The following KATNAL1 variants were observed in gnomAD, a reference collection of about 807,000 sequenced individuals.
KATNAL1 encodes the protein katanin p60 ATPase-containing subunit A-like 1.
KATNAL1 carries 32 observed loss-of-function variants against 55.2 expected under a neutral mutation model. That is an observed-to-expected ratio of 0.58 (90% confidence interval 0.44 to 0.78). The LOEUF (loss-of-function observed/expected upper bound fraction) is 0.78. Ranked by LOEUF, KATNAL1 falls within the 30% of genes least tolerant of loss-of-function variation. The pLI, the probability that KATNAL1 is intolerant of heterozygous loss-of-function variation, is 0.00. For synonymous variants in KATNAL1, 193 were observed against 193.6 expected, an observed-to-expected ratio of 1.00 and a Z score of 0.02; for missense variants, 466 against 600.9, an observed-to-expected ratio of 0.78 and a Z score of 2.35.
chr13:30,296,925 C>T (rs1323685419), intron 1 of KATNAL1, among the ~76,000 whole-genome samples: 1 of 151,890 alleles, frequency 6.6e-6, no homozygotes, highest in Non-Finnish European at 1.5e-5. Flanking sequence ...TGAATAGTGA[C>T]GCCCACTCCC....
At position 30,205,750 on chromosome 13, in the gene KATNAL1, C is replaced by CTGTGTGTGTGTG. The variant is rs143277319; in HGVS notation, c.*2778_*2789dup. ...AACACACTGTCTTCTGCAATAAAGA[C>CTGTGTGTGTGTG]TGTGTGTGTGTGTGTGTGTGTGTGT... is the stretch of plus-strand genomic sequence containing the variant. On this transcript the variant is annotated 3_prime_UTR_variant, in exon 11 of 11. Coordinates refer to ENST00000380615, the MANE Select transcript of KATNAL1 (RefSeq NM_032116.5). 5.8e-5 allele frequency: 8 copies of CTGTGTGTGTGTG among 137,402 alleles called. No individual in the cohort carries two copies. Among genetic ancestry groups the CTGTGTGTGTGTG allele is most frequent in the African/African-American group, 2.0e-4 (7 of 35,838 alleles). 8.5% of individuals were successfully genotyped at this position (137,402 alleles called of 1,614,324 possible). A position where few individuals can be genotyped will look rare whatever the true frequency, so the allele number is the denominator to read the frequency against.
At chr13:30,282,203 T>C (rs923259007) in intron 2 of KATNAL1, among the ~76,000 whole-genome samples, 2 of 152,190 alleles carry the variant, frequency 1.3e-5, no homozygotes, top group African/African-American at 4.8e-5. Context: ...AATCAAATTA[T>C]ATAGTCAAAA....
intron 6 of KATNAL1, among the ~76,000 whole-genome samples, chr13:30,238,455 T>C (rs1876912209): frequency 6.6e-6 from 1 of 152,176 alleles, no homozygotes; most frequent in African/African-American, 2.4e-5. Flanking sequence ...CTGCCTTCCT[T>C]ACAAAACTTC....
At chr13:30,241,948 A>G (rs571819279) in intron 4 of KATNAL1, among the ~76,000 whole-genome samples, 5 of 152,300 alleles carry the variant, frequency 3.3e-5, no homozygotes, top group Non-Finnish European at 5.9e-5. Context: ...GGTAGCATTA[A>G]ATTTATTAGT....
chr13:30,293,796 G>A (rs553550802), intron 1 of KATNAL1, among the ~76,000 whole-genome samples: 1 of 152,260 alleles, frequency 6.6e-6, no homozygotes, highest in Non-Finnish European at 1.5e-5. Context: ...TTTACAATTT[G>A]AAGATTCATG....
intron 6 of KATNAL1, among the ~76,000 whole-genome samples, chr13:30,234,613 A>G (rs542986613): frequency 2.0e-5 from 3 of 152,220 alleles, no homozygotes; most frequent in Admixed American, 6.5e-5. Flanking sequence ...ACTCCTGAAC[A>G]AACTCATCCA....
intron 3 of KATNAL1, among the ~76,000 whole-genome samples, chr13:30,258,349 T>C (rs937005153): frequency 6.6e-6 from 1 of 152,230 alleles, no homozygotes; most frequent in African/African-American, 2.4e-5. Flanking sequence ...TAAATGTTAT[T>C]GGTACTGCTT....
At chr13:30,241,260 A>G (rs1877250030) in intron 4 of KATNAL1, among the ~76,000 whole-genome samples, 174 bp from the exon 5 acceptor site, 1 of 152,234 alleles carries the variant, frequency 6.6e-6, no homozygotes, top group Non-Finnish European at 1.5e-5. Context: ...TCAGAAATAC[A>G]TGAACTGGTC....
At position 30,255,526 on chromosome 13, in the gene KATNAL1, C is replaced by T. The variant is rs747239773; in HGVS notation, c.413G>A (p.Arg138Gln). The change falls in exon 4 of 11, where the codon CGA becomes CAA. Residue 138 changes from arginine (R) to glutamine (Q), a missense_variant. Arg to Gln is a conservative substitution (Grantham distance 43). This residue lies in a region of KATNAL1 where 248 missense variants were observed against 275.5 expected (regional missense o/e 0.90). Transcript: ENST00000380615. The part of the protein sequence containing the change: ...AGVGARGPVG[R>Q]AHPISKSEKP... Reference sequence around the variant, plus strand: ...TTCACTCTTTGATATAGGATGTGCTCGGCCTACAGGTCCCCGGGCTCCTAC... The same window carrying T: ...TTCACTCTTTGATATAGGATGTGCTTGGCCTACAGGTCCCCGGGCTCCTAC... The T allele has an allele frequency of 1.9e-6, 3 of 1,599,416 alleles. No homozygotes were observed. Among genetic ancestry groups the T allele is most frequent in the Non-Finnish European group, 1.7e-6 (2 of 1,172,862 alleles).
chr13:30,286,597 T>C lies in KATNAL1; in HGVS notation c.-14-2806A>G, dbSNP rs186538720. Among the ~76,000 whole-genome samples, 259 of 152,336 alleles carry C rather than the reference T, an allele frequency of 1.7e-3. 2 individuals are homozygous for C. Among genetic ancestry groups the C allele is most frequent in the African/African-American group, 5.8e-3 (240 of 41,566 alleles). On this transcript the variant is annotated intron_variant, in intron 1 of 10. Coordinates refer to ENST00000380615, the MANE Select transcript of KATNAL1 (RefSeq NM_032116.5). ...GGGCAGGACCCTCATGGAGAACCTC[T>C]GCTAGGGAAGTGTGGAAGGGAAATG...
intron 3 of KATNAL1, among the ~76,000 whole-genome samples, chr13:30,269,680 G>A (rs2137501001): frequency 6.6e-6 from 1 of 151,732 alleles, no homozygotes; most frequent in Admixed American, 6.5e-5. Context: ...CCTCTACCCG[G>A]CCGCGACCCC....
chr13:30,229,048 C>G (rs1185147249), intron 8 of KATNAL1, among the ~76,000 whole-genome samples: 1 of 152,222 alleles, frequency 6.6e-6, no homozygotes, highest in Non-Finnish European at 1.5e-5. Context: ...CCATTGCACT[C>G]AGTCCCTCAC....
Position 30,204,163 on chromosome 13 carries a change from A to T in KATNAL1, c.*4377T>A, listed in dbSNP as rs1872905131. The T allele has an allele frequency of 6.6e-6, 1 of 152,250 alleles. No individual in the cohort carries two copies. The highest frequency in any genetic ancestry group is 1.5e-5 in the Non-Finnish European group (1 of 68,050). 9.4% of individuals were successfully genotyped at this position (152,250 alleles called of 1,614,324 possible). ...TACAATCAAAACAGTTACGGAAAAA[A>T]AGATACAAAAAAGAGAATAGTTAGG... On this transcript the variant is annotated 3_prime_UTR_variant, in exon 11 of 11. Transcript: ENST00000380615.
At chr13:30,288,236 T>A (rs1000510115) in intron 1 of KATNAL1, among the ~76,000 whole-genome samples, 4 of 152,190 alleles carry the variant, frequency 2.6e-5, no homozygotes, top group African/African-American at 9.6e-5. Flanking sequence ...ATGATTTCAA[T>A]TCAGCATAAT....
chr13:30,242,485 A>G (rs1236513214), intron 4 of KATNAL1, among the ~76,000 whole-genome samples: 1 of 152,216 alleles, frequency 6.6e-6, no homozygotes, highest in Non-Finnish European at 1.5e-5. Context: ...CTCATCAAGC[A>G]TCTAGTCTAG....
At chr13:30,229,330 T>C (rs1422566625) in intron 8 of KATNAL1, among the ~76,000 whole-genome samples, 1 of 152,134 alleles carries the variant, frequency 6.6e-6, no homozygotes, top group Non-Finnish European at 1.5e-5. Context: ...CGCCAGAATG[T>C]ACCATAATGT....
intron 1 of KATNAL1, among the ~76,000 whole-genome samples, chr13:30,291,658 G>A (rs1882140942): frequency 6.6e-6 from 1 of 152,178 alleles, no homozygotes; most frequent in African/African-American, 2.4e-5. Flanking sequence ...ATGTATTCAG[G>A]TGGGGTACTT....
In KATNAL1 at chr13:30,208,203, C is replaced by A. The variant is rs565395100; in HGVS notation, c.*337G>T. ...CAGAGCACAGAATTGGAAAAAAAAA[C>A]TGCAAATGAGAAATAGGGGTATTTC... On this transcript the variant is annotated 3_prime_UTR_variant, in exon 11 of 11. Coordinates refer to ENST00000380615, the MANE Select transcript of KATNAL1 (RefSeq NM_032116.5). 1.2e-3 allele frequency: 205 copies of A among 173,350 alleles called. 1 individual carries two copies. The highest frequency in any genetic ancestry group is 4.6e-3 in the African/African-American group (193 of 41,864). 10.7% of individuals were successfully genotyped at this position (173,350 alleles called of 1,614,324 possible).
At chr13:30,218,939 T>C (rs184547455) in intron 9 of KATNAL1, among the ~76,000 whole-genome samples, 1 of 152,332 alleles carries the variant, frequency 6.6e-6, no homozygotes, top group Admixed American at 6.5e-5. Flanking sequence ...TGGAGTGGTT[T>C]GTTAAACTGC....
Sources: allele counts gnomAD v4.1 joint callset (sites outside exome capture counted in the v4.1 genomes callset), GRCh38; gene constraint gnomAD v4.1.1; regional missense constraint gnomAD v4.1.1; transcripts MANE v1.5; gene names NCBI Gene and HGNC (gene_info 2026-07-23, HGNC 2026-07-21).